Variants in ALDH5A1 observed in about 807,000 individuals in gnomAD.
ALDH5A1 encodes aldehyde dehydrogenase 5 family member A1, also known as succinate-semialdehyde dehydrogenase, mitochondrial.
Under a neutral mutation model 54.7 loss-of-function variants are expected in ALDH5A1, and 33 were observed. The ratio of observed to expected loss-of-function variants is 0.60; its 90% CI spans 0.46 to 0.81. ALDH5A1 has a LOEUF of 0.81. ALDH5A1 is among the 30% of genes least tolerant of loss of function. The pLI, the probability that ALDH5A1 is intolerant of heterozygous loss-of-function variation, is 0.00. For synonymous variants in ALDH5A1, 294 were observed against 292.7 expected (o/e 1.00, Z -0.05); for missense variants, 657 against 711.0 (o/e 0.92, Z 0.86).
chr6:24,508,361 C>CA (rs1214819272), intron 4 of ALDH5A1, among the ~76,000 whole-genome samples: 170 of 13,050 alleles, frequency 0.013, 16 homozygotes, highest in East Asian at 0.062. Flanking sequence ...ACTCCATCTC[C>CA]AAAAAAAAAA....
At chr6:24,526,889 C>CTATA (rs749581504) in intron 7 of ALDH5A1, among the ~76,000 whole-genome samples, 100 of 120,708 alleles carry the variant, frequency 8.3e-4, no homozygotes, top group African/African-American at 3.8e-3. Flanking sequence ...TATATATATT[C>CTATA]TATATATATA....
intron 8 of ALDH5A1, 36 bp from the exon 9 acceptor site, chr6:24,532,083 C>G: frequency 1.3e-6 from 2 of 1,599,734 alleles, no homozygotes; most frequent in Non-Finnish European, 1.7e-6. Flanking sequence ...TTCCTCTCCC[C>G]CTTACATTTT....
At chr6:24,517,017 C>CT (rs930151511) in intron 5 of ALDH5A1, among the ~76,000 whole-genome samples, 195 of 148,336 alleles carry the variant, frequency 1.3e-3, no homozygotes, top group Middle Eastern at 0.011. Context: ...AATAATTTAA[C>CT]TTTTTTTTTT....
intron 7 of ALDH5A1, among the ~76,000 whole-genome samples, chr6:24,526,529 C>T (rs894989451): frequency 6.6e-6 from 1 of 151,954 alleles, no homozygotes; most frequent in African/African-American, 2.4e-5. Context: ...AGACATATGA[C>T]TGTCACAAGA....
At chr6:24,495,431 C>T in intron 1 of ALDH5A1, 81 bp downstream of exon 1, 1 of 1,364,936 alleles carries the variant, frequency 7.3e-7, no homozygotes, top group Non-Finnish European at 9.9e-7. Context: ...CAAAGTGACA[C>T]CAGCCGCGTC....
chr6:24,502,842 A>G (rs1333341403), intron 2 of ALDH5A1, among the ~76,000 whole-genome samples: 1 of 151,636 alleles, frequency 6.6e-6, no homozygotes, highest in Non-Finnish European at 1.5e-5. Flanking sequence ...TTTGTTTGCA[A>G]CTATATGAAT....
chr6:24,528,708 T>G (rs972176039), intron 8 of ALDH5A1, among the ~76,000 whole-genome samples: 60 of 151,746 alleles, frequency 4.0e-4, no homozygotes, highest in Non-Finnish European at 7.9e-4. Flanking sequence ...AACTCTTTTT[T>G]TTTTTTTTCT....
At chr6:24,498,523 G>A (rs980487705) in intron 1 of ALDH5A1, among the ~76,000 whole-genome samples, 1 of 152,198 alleles carries the variant, frequency 6.6e-6, no homozygotes, top group Non-Finnish European at 1.5e-5. Flanking sequence ...CAGGGCGGGT[G>A]TTGGGACCTC....
intron 8 of ALDH5A1, 80 bp downstream of exon 8, chr6:24,528,246 G>A: frequency 1.3e-6 from 2 of 1,555,674 alleles, no homozygotes; most frequent in Non-Finnish European, 1.8e-6. Context: ...TTCCTGGGCT[G>A]CTTTGAGGTC....
chr6:24,504,405 C>A (rs989552556), intron 3 of ALDH5A1, among the ~76,000 whole-genome samples: 23 of 152,214 alleles, frequency 1.5e-4, no homozygotes, highest in African/African-American at 5.5e-4. Context: ...AAAACCATTG[C>A]TAATACTTAC....
chr6:24,519,460 G>T (rs1759633632), intron 5 of ALDH5A1, among the ~76,000 whole-genome samples: 2 of 152,176 alleles, frequency 1.3e-5, no homozygotes, highest in South Asian at 4.2e-4. Context: ...AGCTACTCAA[G>T]AGGCTGAGGC....
At chr6:24,526,974 G>GTA (rs58873176) in intron 7 of ALDH5A1, among the ~76,000 whole-genome samples, 763 of 30,530 alleles carry the variant, frequency 0.025, 10 homozygotes, top group East Asian at 0.061. Flanking sequence ...ATGTGTGTGT[G>GTA]TATATATATA....
intron 1 of ALDH5A1, among the ~76,000 whole-genome samples, chr6:24,497,158 G>A (rs188277596): frequency 1.6e-4 from 25 of 152,314 alleles, no homozygotes; most frequent in African/African-American, 5.1e-4. Context: ...TCCACAGCGC[G>A]GAAGGGGACC....
chr6:24,512,654 G>A (rs1053870867), intron 4 of ALDH5A1, among the ~76,000 whole-genome samples: 12 of 152,086 alleles, frequency 7.9e-5, no homozygotes, highest in African/African-American at 2.7e-4. Context: ...GTAAGTTACA[G>A]TTTGGGTCTG....
chr6:24,499,944 C>A (rs944496650), intron 1 of ALDH5A1, among the ~76,000 whole-genome samples: 1 of 151,798 alleles, frequency 6.6e-6, no homozygotes, highest in African/African-American at 2.4e-5. Context: ...CAGGCACGAG[C>A]CACTGCGCCC....
chr6:24,499,114 A>G (rs954677818), intron 1 of ALDH5A1, among the ~76,000 whole-genome samples: 5 of 151,414 alleles, frequency 3.3e-5, no homozygotes, highest in South Asian at 4.2e-4. Context: ...AAAAAAAAAA[A>G]AAAAAGAAAA....
At chr6:24,522,502 T>TGG in intron 6 of ALDH5A1, 1 of 341,946 alleles carries the variant, frequency 2.9e-6, no homozygotes, top group Non-Finnish European at 5.4e-6. Context: ...TGTGTGTGTG[T>TGG]GTACAGGTGC....
intron 1 of ALDH5A1, among the ~76,000 whole-genome samples, chr6:24,496,763 T>G (rs1764715366): frequency 6.6e-6 from 1 of 152,206 alleles, no homozygotes. Context: ...TGTCCTAATC[T>G]CTTCTTCTTT....
Position 24,495,236 on chromosome 6 carries a change from C to T in ALDH5A1, c.240C>T (p.Asp80=). The change falls in exon 1 of 10, where the codon GAC becomes GAT. Residue 80 remains aspartate, a synonymous_variant. Transcript: ENST00000357578. Reference sequence around the variant, plus strand: ...CCGCCGCCACCTTCCCCGTGCAAGACCCGGCCAGCGGCGCCGCTCTGGGCA... The same window carrying T: ...CCGCCGCCACCTTCCCCGTGCAAGATCCGGCCAGCGGCGCCGCTCTGGGCA... ...LPAAATFPVQ[D]PASGAALGMV... is the part of the protein sequence containing the mutation. The T allele has an allele frequency of 1.3e-6, 2 of 1,523,452 alleles. No individual in the cohort carries two copies. Among genetic ancestry groups the T allele is most frequent in the Non-Finnish European group, 1.8e-6 (2 of 1,142,400 alleles). 94.4% of individuals were successfully genotyped at this position (1,523,452 alleles called of 1,614,324 possible).
Sources: gnomAD v4.1 joint callset for allele counts (sites outside exome capture counted in the v4.1 genomes callset) on GRCh38, gnomAD v4.1.1 for gene constraint, MANE v1.5 for transcripts, NCBI Gene and HGNC (gene_info 2026-07-23, HGNC 2026-07-21) for gene names.